Variants in MGAM observed in about 807,000 individuals in gnomAD.
The protein encoded by MGAM is maltase-glucoamylase, also known as alpha-1,4-glucosidase.
Under a neutral mutation model 358.8 loss-of-function variants are expected in MGAM, and 253 were observed. The ratio of observed to expected loss-of-function variants is 0.71; its 90% CI spans 0.64 to 0.78. The LOEUF is 0.78. Among genes scored for constraint, MGAM ranks in the 30% least tolerant of loss-of-function variants. The pLI, the probability that MGAM is intolerant of heterozygous loss-of-function variation, is 0.00. For synonymous variants in MGAM, 1,105 were observed against 1,227.1 expected (o/e 0.90, Z 2.08); for missense variants, 3,080 against 3,432.6 (o/e 0.90, Z 2.57).
chr7:141,993,984 T>C (rs1804054074), upstream of MGAM, among the ~76,000 whole-genome samples: 1 of 152,214 alleles, frequency 6.6e-6, no homozygotes, highest in Non-Finnish European at 1.5e-5. Flanking sequence ...CAAGTGATTC[T>C]CTTGCCGCAG....
chr7:142,044,540 A>G (rs1298377797), intron 21 of MGAM, among the ~76,000 whole-genome samples: 1 of 137,522 alleles, frequency 7.3e-6, no homozygotes, highest in Non-Finnish European at 1.5e-5. Flanking sequence ...ACGATATATG[A>G]TATATAATGT....
rs1299664509 is a variant in MGAM at position 142,106,500 on chromosome 7, A to G, written c.*609A>G. The G allele has an allele frequency of 6.6e-6, 1 of 152,246 alleles. No individual in the cohort carries two copies. The highest frequency in any genetic ancestry group is 2.4e-5 in the African/African-American group (1 of 41,442). 9.4% of individuals were successfully genotyped at this position (152,246 alleles called of 1,614,324 possible). On this transcript the variant is annotated 3_prime_UTR_variant, in exon 71 of 71. Coordinates refer to ENST00000475668, the MANE Select transcript of MGAM (RefSeq NM_001365693.1). ...AATTGTCAGCAGCCTCATGGGGAGG[A>G]AAAAGGAAGAGTCAACTCACTTGAA...
At chr7:142,062,836 C>A in intron 35 of MGAM, 134 bp downstream of exon 35, 1 of 1,451,726 alleles carries the variant, frequency 6.9e-7, no homozygotes, top group Non-Finnish European at 9.2e-7. Flanking sequence ...GACACTTCTT[C>A]CTCTCAGGAG....
intron 21 of MGAM, among the ~76,000 whole-genome samples, chr7:142,046,743 A>G (rs1026860090): frequency 6.6e-6 from 1 of 152,116 alleles, no homozygotes; most frequent in Non-Finnish European, 1.5e-5. Flanking sequence ...GGATCAGGGA[A>G]TATTTTACTG....
In MGAM at chr7:142,088,784, TCTA is replaced by T. The variant is rs1228675920; in HGVS notation, c.6810+2068_6810+2070del. Among the ~76,000 whole-genome samples the T allele has an allele frequency of 1.1e-4, 15 of 135,174 alleles. 3 individuals are homozygous for T. The highest frequency in any genetic ancestry group is 2.2e-4 in the Non-Finnish European group (13 of 60,050). 88.7% of individuals were successfully genotyped at this position (135,174 alleles called of 152,430 possible). A position where few individuals can be genotyped will look rare whatever the true frequency, so the allele number is the denominator to read the frequency against. The stretch of plus-strand genomic sequence containing the variant: ...ATCTATCTATCTATCTATCTATCTA[TCTA>T]TCTATCTATCTATCATTCTATCCTA... On this transcript the variant is annotated intron_variant, in intron 57 of 70. Transcript: ENST00000475668.
At chr7:142,080,576 T>C (rs747279872) in intron 49 of MGAM, among the ~76,000 whole-genome samples, 1 of 146,234 alleles carries the variant, frequency 6.8e-6, no homozygotes, top group Admixed American at 6.9e-5. Flanking sequence ...AATGCTTATA[T>C]TGATGCAGTA....
rs746352589 is a variant in MGAM, at chr7:142,089,886, C to T, written c.6811-2027C>T. On this transcript the variant is annotated intron_variant, in intron 57 of 70. Transcript: ENST00000475668. ...TTTATATTATTAATAAAGACCCACT[C>T]GATGAAGCTGGTGAGGATGAAGCCA... 2.7e-5 allele frequency among the ~76,000 whole-genome samples: 4 copies of T among 146,320 alleles called. 1 individual carries two copies. The highest frequency in any genetic ancestry group is 4.6e-5 in the Non-Finnish European group (3 of 64,690).
At chr7:142,045,547 A>T (rs1173979547) in intron 21 of MGAM, among the ~76,000 whole-genome samples, 9 of 78,604 alleles carry the variant, frequency 1.1e-4, no homozygotes, top group Admixed American at 4.5e-4. Context: ...TATTATATAT[A>T]CATACAATAT....
chr7:142,081,949 G>A (rs1362532004), intron 50 of MGAM, 93 bp from the exon 51 acceptor site: 1 of 1,265,662 alleles, frequency 7.9e-7, no homozygotes, highest in South Asian at 1.2e-5. Context: ...TTCTGGGTAG[G>A]AATCAAGTGT....
intron 3 of MGAM, among the ~76,000 whole-genome samples, chr7:142,012,871 C>T (rs1341115123): frequency 2.6e-5 from 4 of 152,124 alleles, no homozygotes; most frequent in African/African-American, 9.7e-5. Flanking sequence ...CGGAGTCTCT[C>T]TTGGTACTCT....
At chr7:142,031,171 G>A (rs1234915464) in intron 12 of MGAM, among the ~76,000 whole-genome samples, 1 of 152,152 alleles carries the variant, frequency 6.6e-6, no homozygotes, top group Non-Finnish European at 1.5e-5. Flanking sequence ...TTTGACAAGT[G>A]TACCCACTTC....
intron 43 of MGAM, among the ~76,000 whole-genome samples, chr7:142,069,888 G>T (rs1377403928): frequency 6.9e-6 from 1 of 145,588 alleles, no homozygotes; most frequent in African/African-American, 2.4e-5. Flanking sequence ...CATGGAGCAA[G>T]CTGTTTAGAA....
intron 22 of MGAM, 81 bp from the exon 23 acceptor site, chr7:142,050,154 A>G (rs1810800910): frequency 7.2e-7 from 1 of 1,380,050 alleles, no homozygotes; most frequent in African/African-American, 1.4e-5. Context: ...CTCAAGGCAT[A>G]GCTGAAAGGA....
chr7:142,022,076 A>G (rs1806516045), intron 6 of MGAM, among the ~76,000 whole-genome samples, 192 bp from the exon 7 acceptor site: 1 of 152,146 alleles, frequency 6.6e-6, no homozygotes, highest in Non-Finnish European at 1.5e-5. Context: ...AATGCAAGAA[A>G]TTTGCACATG....
intron 47 of MGAM, 125 bp downstream of exon 47, chr7:142,076,951 T>C: frequency 9.0e-7 from 1 of 1,108,890 alleles, no homozygotes; most frequent in Admixed American, 2.4e-5. Flanking sequence ...TTTGGGGAAT[T>C]GAGAGGGCAC....
In MGAM at chr7:142,055,557, G is replaced by A; in HGVS notation, c.3315-1G>A. 1 of 1,613,910 alleles carries A rather than the reference G, an allele frequency of 6.2e-7. No individual in the cohort carries two copies. The highest frequency in any genetic ancestry group is 8.5e-7 in the Non-Finnish European group (1 of 1,179,848). ...TTCAAATCTGCGTTTTTGTGTTTCA[G>A]TTGGGACTCTCAGCTCCTTGGCTTT... On this transcript the variant is annotated splice_acceptor_variant, in intron 27 of 70. Transcript: ENST00000475668. LOFTEE classifies it high-confidence loss of function.
intron 8 of MGAM, 33 bp downstream of exon 8, chr7:142,025,182 A>C: frequency 6.7e-7 from 1 of 1,501,202 alleles, no homozygotes; most frequent in Non-Finnish European, 9.3e-7. Flanking sequence ...AACAAGCACA[A>C]GAGTGATTTT....
chr7:142,094,341 A>G lies in MGAM; in HGVS notation c.7173-23A>G, dbSNP rs771950464. On this transcript the variant is annotated intron_variant, in intron 60 of 70. Coordinates refer to ENST00000475668, the MANE Select transcript of MGAM (RefSeq NM_001365693.1). ...TGCTTCCTGGCGGTGCCCTCAGTTC[A>G]CCTCCTTTTCCCCTCCAACCAGAGC... is the stretch of plus-strand genomic sequence containing the variant. 38 of 1,502,204 alleles carry G rather than the reference A, an allele frequency of 2.5e-5. 7 individuals are homozygous for G. The highest frequency in any genetic ancestry group is 4.5e-4 in the Middle Eastern group (2 of 4,450). The allele number at this position is 1,502,204 out of a possible 1,614,324, so 93.1% of individuals were successfully genotyped here.
chr7:142,055,918 T>C, intron 28 of MGAM, 82 bp from the exon 29 acceptor site: 1 of 1,481,694 alleles, frequency 6.7e-7, no homozygotes, highest in Non-Finnish European at 9.2e-7. Context: ...TAGAGCCATG[T>C]TAGCAAGCAC....
Sources: gnomAD v4.1 joint callset for allele counts (sites outside exome capture counted in the v4.1 genomes callset) on GRCh38, gnomAD v4.1.1 for gene constraint, MANE v1.5 for transcripts, NCBI Gene and HGNC (gene_info 2026-07-23, HGNC 2026-07-21) for gene names.